Variants in UPF1 observed in about 807,000 individuals in gnomAD.
The protein encoded by UPF1 is regulator of nonsense transcripts 1.
Under a neutral mutation model 129.2 loss-of-function variants are expected in UPF1, and 9 were observed. The ratio of observed to expected loss-of-function variants is 0.07; its 90% CI spans 0.04 to 0.12. The LOEUF is 0.12. Ranked by LOEUF, UPF1 falls within the 10% of genes least tolerant of loss-of-function variation. UPF1 has a pLI of 1.00. For missense variants in UPF1, 788 were observed against 1,525.3 expected (o/e 0.52, Z 8.05); for synonymous variants, 649 against 644.9 (o/e 1.01, Z -0.10).
chr19:18,839,800 T>C (rs1353505117), intron 1 of UPF1, among the ~76,000 whole-genome samples: 1 of 152,156 alleles, frequency 6.6e-6, no homozygotes, highest in Non-Finnish European at 1.5e-5. Flanking sequence ...GAGTGAAGCC[T>C]TTGACCCCCG....
chr19:18,847,777 T>G lies in UPF1; in HGVS notation c.405T>G (p.Val135=). The change falls in exon 3 of 24, where the codon GTT becomes GTG. Residue 135 remains valine, a synonymous_variant. Transcript: ENST00000262803. ...GAATACACGATCCTGCCTGCGTGGT[T>G]TACTGTAATACCAGCAAGAAGTGGT... ...YCGIHDPACV[V]YCNTSKKWFC... The G allele has an allele frequency of 8.7e-6, 14 of 1,614,200 alleles. No individual in the cohort carries two copies. The highest frequency in any genetic ancestry group is 1.2e-5 in the Non-Finnish European group (14 of 1,180,032).
chr19:18,832,103 G>T lies in UPF1; in HGVS notation c.-107G>T. ...GCGCGGTTTGGTCCTTTCCGGGCGC[G>T]CGGGGGCGACAGCGGCAGCGACCCG... is the stretch of plus-strand genomic sequence containing the variant. On this transcript the variant is annotated 5_prime_UTR_variant, in exon 1 of 24. Transcript: ENST00000262803. This position sits in a 1 kb window ranked among gnomAD's most constrained non-coding sequence, Gnocchi z 5.6. The T allele has an allele frequency of 9.0e-7, 1 of 1,108,310 alleles. No individual in the cohort carries two copies. The highest frequency in any genetic ancestry group is 1.2e-6 in the Non-Finnish European group (1 of 853,074). 68.7% of individuals were successfully genotyped at this position (1,108,310 alleles called of 1,614,324 possible). A position where few individuals can be genotyped will look rare whatever the true frequency, so the allele number is the denominator to read the frequency against.
At position 18,850,035 on chromosome 19, in the gene UPF1, A is replaced by G; in HGVS notation, c.462-40A>G. ...CGAAAATTGGAAGTGGTGAAAAGCCAAATTTTGGGTGTTAACCGTTTATCA... is the reference window on the plus strand; with the variant it reads ...CGAAAATTGGAAGTGGTGAAAAGCCGAATTTTGGGTGTTAACCGTTTATCA... On this transcript the variant is annotated intron_variant, in intron 3 of 23. Transcript: ENST00000262803. The surrounding 1 kb of genome is among the most constrained non-coding windows in gnomAD (Gnocchi z 7.1). The G allele has an allele frequency of 6.2e-7, 1 of 1,612,914 alleles. No individual in the cohort carries two copies. Among genetic ancestry groups the G allele is most frequent in the East Asian group, 2.2e-5 (1 of 44,864 alleles).
chr19:18,832,574 G>T lies in UPF1; in HGVS notation c.231+134G>T. 1.6e-6 allele frequency: 1 copy of T among 628,424 alleles called. No individual in the cohort carries two copies. Among genetic ancestry groups the T allele is most frequent in the Non-Finnish European group, 2.0e-6 (1 of 503,104 alleles). 38.9% of individuals were successfully genotyped at this position (628,424 alleles called of 1,614,324 possible). On this transcript the variant is annotated intron_variant, in intron 1 of 23. Coordinates refer to ENST00000262803, the MANE Select transcript of UPF1 (RefSeq NM_002911.4). The surrounding 1 kb of genome is among the most constrained non-coding windows in gnomAD (Gnocchi z 5.6). ...GGCCGGGCCTGGGGCGATCTGCCCCGGGTCCCCTACTCTGGCTCGGCCTGA... is the reference window on the plus strand; with the variant it reads ...GGCCGGGCCTGGGGCGATCTGCCCCTGGTCCCCTACTCTGGCTCGGCCTGA...
At chr19:18,855,295 C>T in intron 11 of UPF1, 53 bp downstream of exon 11, 3 of 1,578,470 alleles carry the variant, frequency 1.9e-6, no homozygotes, top group South Asian at 2.2e-5. Context: ...TTAGGGTGGC[C>T]AGATGGAAGG....
chr19:18,841,465 T>C (rs976562601), intron 1 of UPF1, among the ~76,000 whole-genome samples: 2 of 152,242 alleles, frequency 1.3e-5, no homozygotes, highest in African/African-American at 4.8e-5. Context: ...TTGTCCGATA[T>C]GTAGGGACAG....
chr19:18,863,986 CGAG>C (rs915053049), intron 19 of UPF1, among the ~76,000 whole-genome samples, 181 bp from the exon 20 acceptor site: 4 of 152,066 alleles, frequency 2.6e-5, no homozygotes, highest in African/African-American at 9.7e-5. Context: ...CCAGGTCTGC[CGAG>C]GAGGGCAGGC....
chr19:18,843,990 T>C (rs1328206958), intron 1 of UPF1, among the ~76,000 whole-genome samples: 1 of 151,934 alleles, frequency 6.6e-6, no homozygotes, highest in East Asian at 1.9e-4. Context: ...GCTCAAGCGA[T>C]CCTCCCAAAG....
intron 2 of UPF1, among the ~76,000 whole-genome samples, chr19:18,847,214 G>C (rs540125594): frequency 2.0e-5 from 3 of 152,256 alleles, no homozygotes; most frequent in Non-Finnish European, 4.4e-5. Flanking sequence ...AAGTCCTGGT[G>C]CAGCTCTGGG....
At chr19:18,845,758 A>T (rs1441506246) in intron 1 of UPF1, among the ~76,000 whole-genome samples, 1 of 152,012 alleles carries the variant, frequency 6.6e-6, no homozygotes, top group Non-Finnish European at 1.5e-5. Flanking sequence ...GGCGGGGGTT[A>T]GACCAGCTGT....
intron 15 of UPF1, among the ~76,000 whole-genome samples, 192 bp downstream of exon 15, chr19:18,857,725 G>A (rs564250249): frequency 1.4e-4 from 22 of 152,326 alleles, no homozygotes; most frequent in African/African-American, 5.0e-4. Flanking sequence ...TGGGGCATGT[G>A]GGGAGCCTGT....
intron 18 of UPF1, chr19:18,862,888 T>C (rs7257086): frequency 0.91 from 139,159 of 152,536 alleles, 63,689 homozygotes; most frequent in African/African-American, 0.98. Context: ...AGCTGGAAGT[T>C]GGGGGGACCT....
chr19:18,856,481 C>T (rs1189604973), intron 13 of UPF1, among the ~76,000 whole-genome samples, 181 bp downstream of exon 13: 3 of 152,194 alleles, frequency 2.0e-5, no homozygotes, highest in East Asian at 1.9e-4. Flanking sequence ...GCCTGGAACA[C>T]GGTCTTCTAG....
At chr19:18,834,964 A>G (rs540723418) in intron 1 of UPF1, among the ~76,000 whole-genome samples, 1 of 152,354 alleles carries the variant, frequency 6.6e-6, no homozygotes, top group Admixed American at 6.5e-5. Context: ...ACTTGCCACA[A>G]CATACAATTT....
chr19:18,853,373 G>A lies in UPF1; in HGVS notation c.1156+23G>A, dbSNP rs375179021. 1.0e-5 allele frequency: 16 copies of A among 1,576,658 alleles called. No homozygotes were observed. The highest frequency in any genetic ancestry group is 1.3e-5 in the Non-Finnish European group (15 of 1,161,476). ...ATAGTATCCTTCATGTGAAGAGGGT[G>A]TGGCCGGCTGGTGGGAGAGGAAAGT... On this transcript the variant is annotated intron_variant, in intron 8 of 23. Transcript: ENST00000262803. This position sits in a 1 kb window ranked among gnomAD's most constrained non-coding sequence, Gnocchi z 4.4.
chr19:18,845,950 T>C (rs777955018), intron 1 of UPF1, 30 bp from the exon 2 acceptor site: 2 of 1,611,804 alleles, frequency 1.2e-6, no homozygotes, highest in Non-Finnish European at 1.7e-6. Context: ...AGCTGCAGCC[T>C]CACTCAGGTG....
intron 16 of UPF1, 60 bp downstream of exon 16, chr19:18,860,498 G>T: frequency 6.5e-7 from 1 of 1,538,186 alleles, no homozygotes; most frequent in South Asian, 1.1e-5. Context: ...AGAGGTTGTT[G>T]ACCCATTCTA....
rs757728406 is a variant in UPF1, at chr19:18,832,579, C to T, written c.231+139C>T. The T allele has an allele frequency of 1.3e-5, 8 of 601,700 alleles. No individual in the cohort carries two copies. The highest frequency in any genetic ancestry group is 2.0e-5 in the African/African-American group (1 of 50,032). 37.3% of individuals were successfully genotyped at this position (601,700 alleles called of 1,614,324 possible). On this transcript the variant is annotated intron_variant, in intron 1 of 23. Coordinates refer to ENST00000262803, the MANE Select transcript of UPF1 (RefSeq NM_002911.4). This position sits in a 1 kb window ranked among gnomAD's most constrained non-coding sequence, Gnocchi z 5.6. ...GGCCTGGGGCGATCTGCCCCGGGTC[C>T]CCTACTCTGGCTCGGCCTGAGCTTA...
chr19:18,850,269 G>A lies in UPF1; in HGVS notation c.629+27G>A, dbSNP rs1179340413. 6 of 1,559,238 alleles carry A rather than the reference G, an allele frequency of 3.8e-6. No homozygotes were observed. The highest frequency in any genetic ancestry group is 5.2e-6 in the Non-Finnish European group (6 of 1,153,592). ...TGAGTGGTCCCCAGATGTCTCCTGG[G>A]GGTGACCTTTAAGCTCCAGCCGTCT... On this transcript the variant is annotated intron_variant, in intron 4 of 23. Transcript: ENST00000262803. This position sits in a 1 kb window ranked among gnomAD's most constrained non-coding sequence, Gnocchi z 7.1.
Sources: gnomAD v4.1 joint callset for allele counts (sites outside exome capture counted in the v4.1 genomes callset) on GRCh38, gnomAD v4.1.1 for gene constraint, Gnocchi (gnomAD v3.1) non-coding constraint, MANE v1.5 for transcripts, NCBI Gene and HGNC (gene_info 2026-07-23, HGNC 2026-07-21) for gene names.